Variants in CACNA1E observed in about 807,000 individuals in gnomAD.
The protein encoded by CACNA1E is calcium voltage-gated channel subunit alpha1 E.
In CACNA1E, 40 loss-of-function variants were observed where a neutral mutation model predicts 259.2. The ratio of observed to expected loss-of-function variants is 0.15; its 90% CI spans 0.12 to 0.20. The LOEUF (loss-of-function observed/expected upper bound fraction) is 0.20, where lower values mean the gene tolerates loss of function less well. CACNA1E is among the 10% of genes least tolerant of loss of function. CACNA1E has a pLI of 1.00. For missense variants in CACNA1E, 1,874 were observed against 3,040.1 expected, an observed-to-expected ratio of 0.62 and a Z score of 9.02; for synonymous variants, 1,104 against 1,138.5, an observed-to-expected ratio of 0.97 and a Z score of 0.61.
At chr1:181,796,888 CAGA>C (rs1353009879) in intron 47 of CACNA1E, 30 bp downstream of exon 47, 4 of 1,512,896 alleles carry the variant, frequency 2.6e-6, no homozygotes, top group Non-Finnish European at 3.6e-6. Flanking sequence ...CAGTCTACAG[CAGA>C]AGGACAGGGG....
chr1:181,348,038 C>T (rs891544572), intron 1 of CACNA1E, among the ~76,000 whole-genome samples: 1 of 152,228 alleles, frequency 6.6e-6, no homozygotes, highest in Admixed American at 6.5e-5. Flanking sequence ...AGACCTTCCA[C>T]CCAGGCTTGG....
intron 7 of CACNA1E, among the ~76,000 whole-genome samples, chr1:181,685,343 G>A (rs1041477455): frequency 4.2e-4 from 62 of 147,732 alleles, no homozygotes; most frequent in African/African-American, 1.5e-3. Context: ...TACCTCTCAA[G>A]TCAAGTATTA....
At chr1:181,359,933 C>A (rs184311156) in intron 1 of CACNA1E, among the ~76,000 whole-genome samples, 10 of 152,314 alleles carry the variant, frequency 6.6e-5, no homozygotes, top group African/African-American at 2.2e-4. Context: ...TGAATTCACA[C>A]TGGCAGTTGC....
chr1:181,777,544 T>A (rs2102803356), intron 38 of CACNA1E, among the ~76,000 whole-genome samples: 1 of 152,312 alleles, frequency 6.6e-6, no homozygotes, highest in Non-Finnish European at 1.5e-5. Flanking sequence ...TTCTTTCTGG[T>A]CTTACTTTCT....
At chr1:181,691,178 A>G (rs1276349375) in intron 7 of CACNA1E, among the ~76,000 whole-genome samples, 3 of 151,726 alleles carry the variant, frequency 2.0e-5, no homozygotes, top group African/African-American at 4.8e-5. Flanking sequence ...CTTTATTTCT[A>G]TGCACTGCAT....
At chr1:181,745,365 G>T (rs370489512) in intron 25 of CACNA1E, 30 of 496,418 alleles carry the variant, frequency 6.0e-5, no homozygotes, top group Non-Finnish European at 9.9e-5. Flanking sequence ...ATGAAATTGG[G>T]AGATGGTTGG....
At chr1:181,407,060 C>A (rs1015480390) in intron 1 of CACNA1E, among the ~76,000 whole-genome samples, 2 of 152,216 alleles carry the variant, frequency 1.3e-5, no homozygotes, top group African/African-American at 4.8e-5. Flanking sequence ...CGCAGAGACT[C>A]AGACTGACTT....
At chr1:181,357,788 G>A (rs1204485477) in intron 1 of CACNA1E, among the ~76,000 whole-genome samples, 2 of 152,100 alleles carry the variant, frequency 1.3e-5, no homozygotes, top group African/African-American at 4.8e-5. Context: ...TGAACATCCA[G>A]CCCCCTGAGG....
chr1:181,419,273 CT>C (rs1263563790), intron 2 of CACNA1E, among the ~76,000 whole-genome samples: 1 of 152,198 alleles, frequency 6.6e-6, no homozygotes, highest in African/African-American at 2.4e-5. Context: ...ATTTCTTCAT[CT>C]TTCCCCTTAA....
At chr1:181,482,020 G>A (rs1215770924), upstream of CACNA1E, among the ~76,000 whole-genome samples, 1 of 152,146 alleles carries the variant, frequency 6.6e-6, no homozygotes, top group Non-Finnish European at 1.5e-5. Context: ...AGCGGAACCG[G>A]GAGGCCGCCC....
At chr1:181,755,575 C>T (rs542749512) in intron 28 of CACNA1E, among the ~76,000 whole-genome samples, 178 bp downstream of exon 28, 26 of 152,270 alleles carry the variant, frequency 1.7e-4, no homozygotes, top group Middle Eastern at 3.4e-3. Flanking sequence ...GTGTCAGACA[C>T]GAAAACTTGA....
intron 2 of CACNA1E, among the ~76,000 whole-genome samples, chr1:181,468,894 A>T (rs1558027658): frequency 6.6e-6 from 1 of 152,190 alleles, no homozygotes; most frequent in Non-Finnish European, 1.5e-5. Context: ...GTAGTAGGAG[A>T]TATTGCTAGG....
chr1:181,544,545 C>T (rs1322501303), intron 3 of CACNA1E, among the ~76,000 whole-genome samples: 3 of 152,174 alleles, frequency 2.0e-5, no homozygotes, highest in East Asian at 1.9e-4. Context: ...TTGCAGTATA[C>T]GTTTTAACTT....
chr1:181,651,393 T>C lies in CACNA1E; in HGVS notation c.1007T>C (p.Ile336Thr). ...TGGCTGTACTTCATCCCCCTCATCATCATTGGATCCTTCTTTGTTCTCAAC... is the reference window on the plus strand; with the variant it reads ...TGGCTGTACTTCATCCCCCTCATCACCATTGGATCCTTCTTTGTTCTCAAC... Reference protein sequence around the residue: ...WNWLYFIPLIIIGSFFVLNLV... With the variant: ...WNWLYFIPLITIGSFFVLNLV... The change falls in exon 7 of 48, where the codon ATC (isoleucine) becomes ACC (threonine). Residue 336 changes from isoleucine to threonine, a missense_variant. Ile to Thr is a moderately conservative substitution (Grantham distance 89). Coordinates refer to ENST00000367573, the MANE Select transcript of CACNA1E (RefSeq NM_001205293.3). The C allele has an allele frequency of 6.2e-7, 1 of 1,613,916 alleles. No homozygotes were observed. Among genetic ancestry groups the C allele is most frequent in the Non-Finnish European group, 8.5e-7 (1 of 1,179,790 alleles).
At chr1:181,344,227 G>A (rs1368127388) in intron 1 of CACNA1E, among the ~76,000 whole-genome samples, 1 of 152,194 alleles carries the variant, frequency 6.6e-6, no homozygotes, top group Admixed American at 6.5e-5. Context: ...TGGATTCCAA[G>A]CAGCTGCATG....
intron 1 of CACNA1E, among the ~76,000 whole-genome samples, chr1:181,395,188 G>A (rs574120456): frequency 3.9e-5 from 6 of 152,212 alleles, no homozygotes; most frequent in East Asian, 1.9e-4. Flanking sequence ...GAAGTGACTC[G>A]ATCTTTTTAT....
At chr1:181,368,211 CAA>C (rs1215034872) in intron 1 of CACNA1E, among the ~76,000 whole-genome samples, 2 of 146,570 alleles carry the variant, frequency 1.4e-5, no homozygotes, top group African/African-American at 5.1e-5. Flanking sequence ...GCCTGGGTGA[CAA>C]AGAGAGACTC....
Position 181,804,277 on chromosome 1 carries a change from T to C in CACNA1E, c.*5443T>C, listed in dbSNP as rs1415251078. 6.6e-6 allele frequency: 1 copy of C among 152,214 alleles called. No homozygotes were observed. The highest frequency in any genetic ancestry group is 1.5e-5 in the Non-Finnish European group (1 of 68,032). 9.4% of individuals were successfully genotyped at this position (152,214 alleles called of 1,614,324 possible). On this transcript the variant is annotated 3_prime_UTR_variant, in exon 48 of 48. Coordinates refer to ENST00000367573, the MANE Select transcript of CACNA1E (RefSeq NM_001205293.3). ...GAATCTGTTTCTCTTTAGGAAGTGA[T>C]TGCCATCAAATTTAGTGATATGATA...
At chr1:181,357,816 C>G (rs932541147) in intron 1 of CACNA1E, among the ~76,000 whole-genome samples, 1 of 152,140 alleles carries the variant, frequency 6.6e-6, no homozygotes, top group African/African-American at 2.4e-5. Context: ...GGTGCCTACC[C>G]TAGTTGAACA....
Sources: allele counts gnomAD v4.1 joint callset (sites outside exome capture counted in the v4.1 genomes callset), GRCh38; gene constraint gnomAD v4.1.1; transcripts MANE v1.5; gene names NCBI Gene and HGNC (gene_info 2026-07-23, HGNC 2026-07-21).